KHDRBS1: variants seen among roughly 807,000 people sequenced by gnomAD.
KHDRBS1 encodes KH domain-containing, RNA-binding, signal transduction-associated protein 1.
Under a neutral mutation model 48.4 loss-of-function variants are expected in KHDRBS1, and 7 were observed. The ratio of observed to expected loss-of-function variants is 0.14; its 90% confidence interval spans 0.08 to 0.27. The LOEUF is 0.27. Ranked by LOEUF, KHDRBS1 falls within the 10% of genes least tolerant of loss-of-function variation. The pLI is 1.00. For synonymous variants in KHDRBS1, 241 were observed against 235.8 expected (o/e 1.02, Z -0.20); for missense variants, 458 against 601.2 (o/e 0.76, Z 2.49).
rs772493181 is a variant in KHDRBS1 at position 32,013,961 on chromosome 1, C to T, written c.-35C>T. ...GCTCGGGCCTCCGTCGCTGCCGCGTCGCTTTCTCGCTCCTTGGATCGCACA... is the reference window on the plus strand; with the variant it reads ...GCTCGGGCCTCCGTCGCTGCCGCGTTGCTTTCTCGCTCCTTGGATCGCACA... On this transcript the variant is annotated 5_prime_UTR_variant, in exon 1 of 9. Transcript: ENST00000327300. 1 of 1,426,442 alleles carries T rather than the reference C, an allele frequency of 7.0e-7. No individual in the cohort carries two copies. Among genetic ancestry groups the T allele is most frequent in the Admixed American group, 2.9e-5 (1 of 34,976 alleles). 88.4% of individuals were successfully genotyped at this position (1,426,442 alleles called of 1,614,324 possible).
intron 1 of KHDRBS1, among the ~76,000 whole-genome samples, chr1:32,019,011 C>T (rs1638801505): frequency 6.6e-6 from 1 of 151,772 alleles, no homozygotes; most frequent in African/African-American, 2.4e-5. Context: ...AGGAGAATCA[C>T]TTGAACCCAG....
In KHDRBS1 at chr1:32,039,643, T is replaced by C. The variant is rs942996736; in HGVS notation, c.1234+70T>C. The C allele has an allele frequency of 8.4e-5, 71 of 845,812 alleles. No homozygotes were observed. In the South Asian group the frequency reaches 9.2e-4, roughly 11 times the overall value. 52.4% of individuals were successfully genotyped at this position (845,812 alleles called of 1,614,324 possible). A position where few individuals can be genotyped will look rare whatever the true frequency, so the allele number is the denominator to read the frequency against. Reference sequence around the variant, plus strand: ...CCTGGGAGAATGCTGGTGACTAAAGTATTGAGAGTCAGACAAACACACCTA... The same window carrying C: ...CCTGGGAGAATGCTGGTGACTAAAGCATTGAGAGTCAGACAAACACACCTA... On this transcript the variant is annotated intron_variant, in intron 8 of 8. Transcript: ENST00000327300.
intron 1 of KHDRBS1, among the ~76,000 whole-genome samples, chr1:32,020,509 G>C (rs184044629): frequency 5.3e-5 from 8 of 151,148 alleles, no homozygotes; most frequent in African/African-American, 1.9e-4. Flanking sequence ...CACAAAACCT[G>C]TACATGAATG....
intron 1 of KHDRBS1, among the ~76,000 whole-genome samples, chr1:32,015,392 C>T (rs1453562339): frequency 6.6e-6 from 1 of 152,020 alleles, no homozygotes; most frequent in Non-Finnish European, 1.5e-5. Context: ...AGTAAAAATT[C>T]ACATCCTTCA....
intron 4 of KHDRBS1, among the ~76,000 whole-genome samples, chr1:32,036,469 C>T (rs1403540471): frequency 6.6e-6 from 1 of 152,088 alleles, no homozygotes; most frequent in African/African-American, 2.4e-5. Flanking sequence ...GCACCCGGCC[C>T]TCATTTTGAA....
intron 1 of KHDRBS1, among the ~76,000 whole-genome samples, chr1:32,020,719 A>G (rs1638841313): frequency 6.6e-6 from 1 of 152,180 alleles, no homozygotes; most frequent in South Asian, 2.1e-4. Context: ...GTTACATACT[A>G]TATGATTTCA....
At chr1:32,056,611 A>G (rs1442173043) in intron 10 of KHDRBS1, among the ~76,000 whole-genome samples, 2 of 152,208 alleles carry the variant, frequency 1.3e-5, no homozygotes, top group Non-Finnish European at 2.9e-5. Context: ...TTCTAACTCC[A>G]GCAGCCTTCA....
chr1:32,013,907 C>T lies in KHDRBS1; in HGVS notation c.-89C>T, dbSNP rs1305414360. On this transcript the variant is annotated 5_prime_UTR_variant, in exon 1 of 9. Coordinates refer to ENST00000327300, the MANE Select transcript of KHDRBS1 (RefSeq NM_006559.3). Reference sequence around the variant, plus strand: ...CTCGGGTCGGCTTCGGTCGCTACCGCTCCCGCTCTGCCACCCCCGCCAACC... The same window carrying T: ...CTCGGGTCGGCTTCGGTCGCTACCGTTCCCGCTCTGCCACCCCCGCCAACC... 4.8e-6 allele frequency: 6 copies of T among 1,253,182 alleles called. No homozygotes were observed. The East Asian group carries it at 1.3e-4, about 26-fold the overall frequency. 77.6% of individuals were successfully genotyped at this position (1,253,182 alleles called of 1,614,324 possible). A position where few individuals can be genotyped will look rare whatever the true frequency, so the allele number is the denominator to read the frequency against.
intron 1 of KHDRBS1, among the ~76,000 whole-genome samples, chr1:32,020,687 T>C (rs1419308493): frequency 5.3e-5 from 8 of 150,800 alleles, no homozygotes; most frequent in Non-Finnish European, 1.0e-4. Flanking sequence ...TTAAGCTGAG[T>C]GAAGAAAGCC....
At chr1:32,046,246 G>T (rs1271232463), downstream of KHDRBS1, among the ~76,000 whole-genome samples, 1 of 149,974 alleles carries the variant, frequency 6.7e-6, no homozygotes, top group African/African-American at 2.5e-5. Context: ...ACGGAGCCCT[G>T]CTCCATTACC....
At chr1:32,050,245 G>T (rs1344740139) in intron 10 of KHDRBS1, among the ~76,000 whole-genome samples, 1 of 152,152 alleles carries the variant, frequency 6.6e-6, no homozygotes, top group African/African-American at 2.4e-5. Flanking sequence ...GGGATAATTT[G>T]TCTTTTTATT....
chr1:32,036,447 G>T (rs956823572), intron 4 of KHDRBS1, among the ~76,000 whole-genome samples: 56 of 152,224 alleles, frequency 3.7e-4, no homozygotes, highest in African/African-American at 1.3e-3. Context: ...GGGATTACAG[G>T]CGTGAGCCAC....
intron 6 of KHDRBS1, 104 bp from the exon 7 acceptor site, chr1:32,038,448 T>G: frequency 9.1e-7 from 1 of 1,101,426 alleles, no homozygotes. Flanking sequence ...AAATGTCATG[T>G]CCTTTTAATT....
chr1:32,026,304 G>A (rs72666724), intron 1 of KHDRBS1, among the ~76,000 whole-genome samples: 8,273 of 151,970 alleles, frequency 0.054, 290 homozygotes, highest in Middle Eastern at 0.082. Context: ...GACCACAGGC[G>A]CATACCACCA....
At chr1:32,050,448 G>A (rs1639404829) in intron 10 of KHDRBS1, among the ~76,000 whole-genome samples, 1 of 151,964 alleles carries the variant, frequency 6.6e-6, no homozygotes, top group Non-Finnish European at 1.5e-5. Context: ...TCTCATTCAA[G>A]GTCAGGATTG....
intron 1 of KHDRBS1, among the ~76,000 whole-genome samples, chr1:32,015,188 G>GT (rs1185835609): frequency 6.6e-6 from 1 of 152,058 alleles, no homozygotes; most frequent in Non-Finnish European, 1.5e-5. Flanking sequence ...TTTTGTTGCT[G>GT]TTTTTTACAT....
intron 10 of KHDRBS1, among the ~76,000 whole-genome samples, chr1:32,059,589 T>G (rs544456174): frequency 6.6e-5 from 10 of 151,978 alleles, no homozygotes; most frequent in African/African-American, 2.4e-4. Flanking sequence ...CTATAGGTTT[T>G]AGCATGAGAT....
At chr1:32,051,797 C>A (rs1038123730) in intron 10 of KHDRBS1, among the ~76,000 whole-genome samples, 2 of 152,166 alleles carry the variant, frequency 1.3e-5, no homozygotes, top group African/African-American at 4.8e-5. Flanking sequence ...CCTCCTGTCC[C>A]AGGCTAAGAA....
rs1014565224 is a variant in KHDRBS1, at chr1:32,014,380, A to G, written c.382+3A>G. 2.1e-6 allele frequency: 3 copies of G among 1,398,026 alleles called. No homozygotes were observed. Among genetic ancestry groups the G allele is most frequent in the Admixed American group, 2.4e-5 (1 of 41,874 alleles). The allele number at this position is 1,398,026 out of a possible 1,614,324, so 86.6% of individuals were successfully genotyped here. ...CGCCATGCAGCTGCTGACGGCAGGT[A>G]AGGGGGCCTCCCGTGTCCCTCTGGG... On this transcript the variant is annotated splice_donor_region_variant and intron_variant, in intron 1 of 8. Coordinates refer to ENST00000327300, the MANE Select transcript of KHDRBS1 (RefSeq NM_006559.3).
Sources: gnomAD v4.1 joint callset for allele counts (sites outside exome capture counted in the v4.1 genomes callset) on GRCh38, gnomAD v4.1.1 for gene constraint, MANE v1.5 for transcripts, NCBI Gene and HGNC (gene_info 2026-07-23, HGNC 2026-07-21) for gene names.